Variants in GNB1 observed in about 807,000 individuals in gnomAD.
The protein encoded by GNB1 is guanine nucleotide-binding protein G(I)/G(S)/G(T) subunit beta-1.
In GNB1, 2 loss-of-function variants were observed where a neutral mutation model predicts 42.9. That is an observed-to-expected ratio of 0.05 (90% CI 0.02 to 0.15). GNB1 has a LOEUF of 0.15. Ranked by LOEUF, GNB1 falls within the 10% of genes least tolerant of loss-of-function variation. The pLI is 1.00. For missense variants in GNB1, 193 were observed against 462.2 expected (o/e 0.42, Z 5.34); for synonymous variants, 183 against 174.7 (o/e 1.05, Z -0.38).
chr1:1,814,005 G>A (rs1053162935), intron 5 of GNB1, among the ~76,000 whole-genome samples: 6 of 152,036 alleles, frequency 3.9e-5, no homozygotes, highest in African/African-American at 1.4e-4. Context: ...ACTACTCTCC[G>A]TGCTGTGTGG....
chr1:1,869,564 G>A (rs1460270695), intron 1 of GNB1, among the ~76,000 whole-genome samples: 1 of 152,138 alleles, frequency 6.6e-6, no homozygotes, highest in Non-Finnish European at 1.5e-5. Context: ...AACAATCACA[G>A]CCACAGAAAT....
chr1:1,845,068 A>AT (rs1647553761), intron 1 of GNB1, among the ~76,000 whole-genome samples: 1 of 152,330 alleles, frequency 6.6e-6, no homozygotes, highest in East Asian at 1.9e-4. Context: ...AATAAACAGG[A>AT]TAAAAACAAA....
intron 1 of GNB1, among the ~76,000 whole-genome samples, chr1:1,872,812 C>A (rs1018303782): frequency 3.9e-5 from 6 of 152,218 alleles, no homozygotes; most frequent in African/African-American, 7.2e-5. Context: ...CCAGTTGCAA[C>A]TTCTCGGTAC....
At chr1:1,887,439 A>G (rs1650218730) in intron 1 of GNB1, among the ~76,000 whole-genome samples, 1 of 152,256 alleles carries the variant, frequency 6.6e-6, no homozygotes, top group Non-Finnish European at 1.5e-5. Flanking sequence ...AAAATAAACC[A>G]AAAGACCCAG....
At position 1,785,455 on chromosome 1, in the gene GNB1, G is replaced by A. The variant is rs1320975173; in HGVS notation, c.*1608C>T. The A allele has an allele frequency of 6.5e-6, 1 of 152,954 alleles. No homozygotes were observed. Among genetic ancestry groups the A allele is most frequent in the Admixed American group, 6.5e-5 (1 of 15,274 alleles). The allele number at this position is 152,954 out of a possible 1,614,324, so 9.5% of individuals were successfully genotyped here. ...CAGAGTTGTTGGACGGAAAGAGAAA[G>A]AAGGGGTTTCATTTGTATTCTCTTT... On this transcript the variant is annotated 3_prime_UTR_variant, in exon 12 of 12. Transcript: ENST00000378609.
intron 1 of GNB1, among the ~76,000 whole-genome samples, chr1:1,869,112 G>A (rs1031394664): frequency 1.1e-4 from 17 of 148,344 alleles, no homozygotes; most frequent in Admixed American, 1.1e-3. Context: ...CATGAACCCA[G>A]GAGGCGGAGC....
intron 3 of GNB1, among the ~76,000 whole-genome samples, chr1:1,821,130 G>A (rs17359262): frequency 1.1e-4 from 17 of 152,262 alleles, no homozygotes; most frequent in East Asian, 9.6e-4. Flanking sequence ...CTTACTTTGG[G>A]GTTTCATCCT....
chr1:1,858,136 G>GT (rs1156347918), intron 1 of GNB1, among the ~76,000 whole-genome samples: 1 of 152,138 alleles, frequency 6.6e-6, no homozygotes, highest in East Asian at 1.9e-4. Flanking sequence ...AGTCACTGGT[G>GT]TTTTTTCTTT....
rs759425824 is a variant in GNB1 at position 1,785,713 on chromosome 1, C to A, written c.*1350G>T. 3.0e-6 allele frequency: 1 copy of A among 330,448 alleles called. No individual in the cohort carries two copies. Among genetic ancestry groups the A allele is most frequent in the Non-Finnish European group, 5.4e-6 (1 of 184,204 alleles). The allele number at this position is 330,448 out of a possible 1,614,324, so 20.5% of individuals were successfully genotyped here. On this transcript the variant is annotated 3_prime_UTR_variant, in exon 12 of 12. Transcript: ENST00000378609. ...TCAGATGTGGAGGGCCCTGAAGAAT[C>A]CATATAGGAGGGCAGGCTCTTCACT...
At chr1:1,869,757 C>T (rs1649147925) in intron 1 of GNB1, among the ~76,000 whole-genome samples, 1 of 152,170 alleles carries the variant, frequency 6.6e-6, no homozygotes, top group African/African-American at 2.4e-5. Context: ...TATACAAAAA[C>T]TTCAGAGCTA....
At chr1:1,817,963 T>C in intron 3 of GNB1, 88 bp from the exon 4 acceptor site, 4 of 1,016,790 alleles carry the variant, frequency 3.9e-6, no homozygotes, top group Non-Finnish European at 6.2e-6. Flanking sequence ...AAGAGAGCTT[T>C]CCTAAGCTGT....
At chr1:1,854,047 G>A (rs187658984) in intron 1 of GNB1, among the ~76,000 whole-genome samples, 8 of 152,320 alleles carry the variant, frequency 5.3e-5, no homozygotes, top group Admixed American at 1.3e-4. Flanking sequence ...ACAGCTCAGG[G>A]GAGTCCGTAG....
At chr1:1,835,012 G>A (rs1647126677) in intron 2 of GNB1, among the ~76,000 whole-genome samples, 1 of 152,124 alleles carries the variant, frequency 6.6e-6, no homozygotes, top group Non-Finnish European at 1.5e-5. Context: ...TAGGTTTAGG[G>A]AAAGACTGCT....
At chr1:1,791,844 C>T (rs1646485101) in intron 8 of GNB1, among the ~76,000 whole-genome samples, 1 of 152,334 alleles carries the variant, frequency 6.6e-6, no homozygotes, top group South Asian at 2.1e-4. Flanking sequence ...AAAATATCTT[C>T]TAATAAATAA....
intron 1 of GNB1, among the ~76,000 whole-genome samples, chr1:1,874,209 G>T (rs1216513497): frequency 6.6e-6 from 1 of 151,984 alleles, no homozygotes; most frequent in South Asian, 2.1e-4. Flanking sequence ...GGTGGCTCAC[G>T]CCTGTAATCC....
chr1:1,848,236 G>C (rs1005043996), intron 1 of GNB1, among the ~76,000 whole-genome samples: 1 of 151,508 alleles, frequency 6.6e-6, no homozygotes, highest in Non-Finnish European at 1.5e-5. Context: ...AAAATTAGCC[G>C]GGCATGGTGG....
At position 1,785,352 on chromosome 1, in the gene GNB1, CA is replaced by C. The variant is rs1222130747; in HGVS notation, c.*1710del. Reference sequence around the variant, plus strand: ...ACAGTTTAATATAGTATCTATCTTGCATCCAGCTTCCTTGCAGTACACTGAC... The same window carrying C: ...ACAGTTTAATATAGTATCTATCTTGCTCCAGCTTCCTTGCAGTACACTGAC... On this transcript the variant is annotated 3_prime_UTR_variant, in exon 12 of 12. Coordinates refer to ENST00000378609, the MANE Select transcript of GNB1 (RefSeq NM_002074.5). 6.6e-6 allele frequency: 1 copy of C among 152,660 alleles called. No individual in the cohort carries two copies. Among genetic ancestry groups the C allele is most frequent in the African/African-American group, 2.4e-5 (1 of 41,442 alleles). 9.5% of individuals were successfully genotyped at this position (152,660 alleles called of 1,614,324 possible). A position where few individuals can be genotyped will look rare whatever the true frequency, so the allele number is the denominator to read the frequency against.
At chr1:1,888,110 TGATGA>T (rs1266935799) in intron 1 of GNB1, among the ~76,000 whole-genome samples, 1 of 152,250 alleles carries the variant, frequency 6.6e-6, no homozygotes, top group Non-Finnish European at 1.5e-5. Context: ...AGTACTTGTC[TGATGA>T]GATAACTATG....
chr1:1,866,509 C>T (rs1648949894), intron 1 of GNB1, among the ~76,000 whole-genome samples: 1 of 152,160 alleles, frequency 6.6e-6, no homozygotes, highest in Non-Finnish European at 1.5e-5. Context: ...CTTAATTTAA[C>T]CAATCTATTG....
Sources: allele counts gnomAD v4.1 joint callset (sites outside exome capture counted in the v4.1 genomes callset), GRCh38; gene constraint gnomAD v4.1.1; transcripts MANE v1.5; gene names NCBI Gene and HGNC (gene_info 2026-07-23, HGNC 2026-07-21).